Variants in ADAM12 observed in about 807,000 individuals in gnomAD.
ADAM12 encodes disintegrin and metalloproteinase domain-containing protein 12.
In ADAM12, 70 loss-of-function variants were observed where a neutral mutation model predicts 106.4. The observed-to-expected ratio is 0.66, with a 90% confidence interval of 0.54 to 0.80. ADAM12 has a LOEUF of 0.80. Among genes scored for constraint, ADAM12 ranks in the 30% least tolerant of loss-of-function variants. The pLI is 0.00. For missense variants in ADAM12, 1,010 were observed against 1,171.9 expected, an observed-to-expected ratio of 0.86 and a Z score of 2.02; for synonymous variants, 420 against 433.5, an observed-to-expected ratio of 0.97 and a Z score of 0.39.
chr10:126,086,667 AAAAAAAAAAAAAAATATATAT>A (rs1475182020), intron 11 of ADAM12, among the ~76,000 whole-genome samples: 7 of 69,806 alleles, frequency 1.0e-4, no homozygotes, highest in East Asian at 5.6e-4. Flanking sequence ...AAAAAAAAAA[AAAAAAAAAAAAAAATATATAT>A]ATATATATAT....
chr10:126,264,220 A>C (rs1959055799), intron 3 of ADAM12, among the ~76,000 whole-genome samples: 1 of 152,206 alleles, frequency 6.6e-6, no homozygotes, highest in South Asian at 2.1e-4. Flanking sequence ...ATATTTGCTT[A>C]ATGGGTGCTG....
At chr10:126,242,105 C>T (rs1203901122) in intron 3 of ADAM12, among the ~76,000 whole-genome samples, 2 of 151,976 alleles carry the variant, frequency 1.3e-5, no homozygotes, top group Non-Finnish European at 2.9e-5. Flanking sequence ...AAATTGCATG[C>T]AAATCAAATT....
At chr10:126,033,270 C>A (rs993960519) in intron 21 of ADAM12, among the ~76,000 whole-genome samples, 44 of 152,076 alleles carry the variant, frequency 2.9e-4, no homozygotes, top group African/African-American at 1.0e-3. Context: ...TTAAAAGGGC[C>A]AGTTTGCCAG....
chr10:126,388,307 C>T lies in ADAM12; in HGVS notation c.-162G>A, dbSNP rs536880671. On this transcript the variant is annotated 5_prime_UTR_variant, in exon 1 of 23. Transcript: ENST00000448723. The surrounding 1 kb of genome is among the most constrained non-coding windows in gnomAD (Gnocchi z 4.4). The stretch of plus-strand genomic sequence containing the variant: ...GCAGCGCCCGCGCCGCCGCTGAGCT[C>T]TTCTAGCCTTTCATTTTTAAAAAAG... The T allele has an allele frequency of 7.6e-6, 8 of 1,057,104 alleles. No homozygotes were observed. The highest frequency in any genetic ancestry group is 7.6e-4 in the Middle Eastern group (2 of 2,642). 65.5% of individuals were successfully genotyped at this position (1,057,104 alleles called of 1,614,324 possible).
chr10:126,190,989 CCTTTTTTTT>C (rs1483895454), intron 3 of ADAM12, among the ~76,000 whole-genome samples: 11,292 of 68,380 alleles, frequency 0.17, 1,557 homozygotes, highest in Middle Eastern at 0.39. Context: ...GGAGTTTTGT[CCTTTTTTTT>C]TTTTTTTTTT....
intron 2 of ADAM12, among the ~76,000 whole-genome samples, chr10:126,300,659 A>G (rs1960580379): frequency 6.6e-6 from 1 of 152,212 alleles, no homozygotes; most frequent in Admixed American, 6.5e-5. Flanking sequence ...CACAGAGCTT[A>G]TTACCATATG....
Position 126,156,221 on chromosome 10 carries a change from G to A in ADAM12, c.261-916C>T, listed in dbSNP as rs910155963. Among the ~76,000 whole-genome samples the A allele has an allele frequency of 4.1e-5, 6 of 147,072 alleles. No individual in the cohort carries two copies. The East Asian group carries it at 6.0e-4, about 15-fold the overall frequency. On this transcript the variant is annotated intron_variant, in intron 3 of 22. Transcript: ENST00000448723. ...ACACAGAATCCAGTGTGAAGGGAGC[G>A]ATCACAGAGTAGAAACAGAGTCCTT...
intron 1 of ADAM12, among the ~76,000 whole-genome samples, chr10:126,361,181 C>T (rs1855730415): frequency 6.6e-6 from 1 of 151,974 alleles, no homozygotes; most frequent in Non-Finnish European, 1.5e-5. Context: ...TATCAAATCC[C>T]ATTTAAAATA....
intron 12 of ADAM12, among the ~76,000 whole-genome samples, chr10:126,069,974 C>G (rs1954954523): frequency 6.6e-6 from 1 of 152,138 alleles, no homozygotes; most frequent in African/African-American, 2.4e-5. Context: ...CCCGAGAGTT[C>G]ATGGCTTCAT....
rs143397618 is a variant in ADAM12, at chr10:126,283,070, G to A, written c.187-4082C>T. ...GGAAGACAGTGACAGATCATCAGGC[G>A]TTAGATTCTCATAAGGAGCCCACAA... is the stretch of plus-strand genomic sequence containing the variant. On this transcript the variant is annotated intron_variant, in intron 2 of 22. Transcript: ENST00000448723. Among the ~76,000 whole-genome samples, 453 of 151,788 alleles carry A rather than the reference G, an allele frequency of 3.0e-3. 1 individual carries two copies. Among genetic ancestry groups the A allele is most frequent in the African/African-American group, 0.01 (427 of 41,388 alleles).
At position 126,049,110 on chromosome 10, in the gene ADAM12, T is replaced by G; in HGVS notation, c.1917+143A>C. ...TTAATAGTCAGACCAGGATCTAGGA[T>G]TTATTGACTTTTTCTTCTAGGTGCA... is the stretch of plus-strand genomic sequence containing the variant. On this transcript the variant is annotated intron_variant, in intron 16 of 22. Coordinates refer to ENST00000448723, the MANE Select transcript of ADAM12 (RefSeq NM_001288973.2). The surrounding 1 kb of genome is among the most constrained non-coding windows in gnomAD (Gnocchi z 4.4). 3 of 1,082,954 alleles carry G rather than the reference T, an allele frequency of 2.8e-6. No homozygotes were observed. The highest frequency in any genetic ancestry group is 2.4e-5 in the East Asian group (1 of 41,824). The allele number at this position is 1,082,954 out of a possible 1,614,324, so 67.1% of individuals were successfully genotyped here. A position where few individuals can be genotyped will look rare whatever the true frequency, so the allele number is the denominator to read the frequency against.
At chr10:126,148,644 T>C (rs1044402523) in intron 4 of ADAM12, among the ~76,000 whole-genome samples, 1 of 152,172 alleles carries the variant, frequency 6.6e-6, no homozygotes, top group Non-Finnish European at 1.5e-5. Context: ...TTCTGGAGAT[T>C]TGGGGGTGCC....
chr10:126,108,410 G>A (rs1445602331), intron 8 of ADAM12, among the ~76,000 whole-genome samples, 183 bp downstream of exon 8: 2 of 152,116 alleles, frequency 1.3e-5, no homozygotes, highest in Admixed American at 1.3e-4. Flanking sequence ...AGACTGCTGT[G>A]GTTTGGCATC....
chr10:126,248,029 C>A (rs994055329), intron 3 of ADAM12, among the ~76,000 whole-genome samples: 2 of 152,174 alleles, frequency 1.3e-5, no homozygotes, highest in African/African-American at 4.8e-5. Context: ...GAGAAGGTAT[C>A]AGATGTGGGT....
intron 14 of ADAM12, among the ~76,000 whole-genome samples, chr10:126,059,057 CA>C (rs1186517244): frequency 1.3e-5 from 2 of 152,050 alleles, no homozygotes; most frequent in Non-Finnish European, 2.9e-5. Context: ...ATTTTGATAC[CA>C]TACTATATTT....
At chr10:126,358,954 T>C (rs1037105267) in intron 1 of ADAM12, among the ~76,000 whole-genome samples, 3 of 152,252 alleles carry the variant, frequency 2.0e-5, no homozygotes, top group African/African-American at 7.2e-5. Context: ...AAGAAAGCGG[T>C]TTAATTGTAC....
intron 14 of ADAM12, among the ~76,000 whole-genome samples, chr10:126,051,386 C>T (rs1299063226): frequency 6.6e-6 from 1 of 152,160 alleles, no homozygotes; most frequent in African/African-American, 2.4e-5. Flanking sequence ...CTACTTCCTT[C>T]CATCATCCAT....
intron 3 of ADAM12, among the ~76,000 whole-genome samples, chr10:126,271,227 C>A (rs146091928): frequency 6.6e-6 from 1 of 152,176 alleles, no homozygotes; most frequent in Non-Finnish European, 1.5e-5. Context: ...CTATTCTCAT[C>A]GAAGGCATCA....
intron 21 of ADAM12, among the ~76,000 whole-genome samples, chr10:126,026,428 A>C (rs1160604568): frequency 6.6e-6 from 1 of 152,194 alleles, no homozygotes; most frequent in African/African-American, 2.4e-5. Flanking sequence ...GAGCAAGTGG[A>C]TCTGTTATAC....
Sources: gnomAD v4.1 joint callset for allele counts (sites outside exome capture counted in the v4.1 genomes callset) on GRCh38, gnomAD v4.1.1 for gene constraint, Gnocchi (gnomAD v3.1) non-coding constraint, MANE v1.5 for transcripts, NCBI Gene and HGNC (gene_info 2026-07-23, HGNC 2026-07-21) for gene names.